The following NXPH1 variants were observed in gnomAD, a reference collection of about 807,000 sequenced individuals.
The protein encoded by NXPH1 is neurexophilin 1, also known as neurexophilin-1.
Under a neutral mutation model 23.7 loss-of-function variants are expected in NXPH1, and 5 were observed. The ratio of observed to expected loss-of-function variants is 0.21; its 90% CI spans 0.11 to 0.44. NXPH1 has a LOEUF of 0.44. Among genes scored for constraint, NXPH1 ranks in the 20% least tolerant of loss-of-function variants. NXPH1 has a pLI of 0.99. For missense variants in NXPH1, 324 were observed against 321.6 expected (o/e 1.01, Z -0.06); for synonymous variants, 144 against 122.2 (o/e 1.18, Z -1.18).
intron 2 of NXPH1, among the ~76,000 whole-genome samples, chr7:8,644,972 A>G (rs868800640): frequency 1.8e-4 from 27 of 152,284 alleles, no homozygotes; most frequent in African/African-American, 4.6e-4. Flanking sequence ...TGCTTAGCAT[A>G]TTATTTGTGG....
intron 2 of NXPH1, among the ~76,000 whole-genome samples, chr7:8,577,369 C>T (rs757874909): frequency 6.6e-6 from 1 of 152,206 alleles, no homozygotes; most frequent in Admixed American, 6.5e-5. Context: ...CTATCACTAA[C>T]CTTCTCCTCA....
intron 2 of NXPH1, among the ~76,000 whole-genome samples, chr7:8,441,519 G>T (rs1214367419): frequency 1.3e-5 from 2 of 152,142 alleles, no homozygotes; most frequent in Non-Finnish European, 2.9e-5. Context: ...AGGTTCCGTT[G>T]TAAGGATGTC....
At chr7:8,507,458 C>G (rs1355865581) in intron 2 of NXPH1, among the ~76,000 whole-genome samples, 1 of 149,446 alleles carries the variant, frequency 6.7e-6, no homozygotes, top group Non-Finnish European at 1.5e-5. Context: ...CTATTATTAT[C>G]ATTACTTTGG....
At chr7:8,450,853 T>C (rs1563313795) in intron 2 of NXPH1, among the ~76,000 whole-genome samples, 1 of 152,262 alleles carries the variant, frequency 6.6e-6, no homozygotes, top group Non-Finnish European at 1.5e-5. Context: ...TAATGTGTTC[T>C]ATTAGTTTCT....
chr7:8,748,917 A>C (rs1252079952), intron 2 of NXPH1, among the ~76,000 whole-genome samples: 2 of 152,228 alleles, frequency 1.3e-5, no homozygotes, highest in East Asian at 3.8e-4. Context: ...AGCCACACTC[A>C]TGTTACCTCA....
At chr7:8,500,836 T>C (rs79259054) in intron 2 of NXPH1, among the ~76,000 whole-genome samples, 5,468 of 152,190 alleles carry the variant, frequency 0.036, 124 homozygotes, top group Middle Eastern at 0.068. Context: ...TCTCAGTTGG[T>C]CCTCCCATTT....
intron 2 of NXPH1, among the ~76,000 whole-genome samples, chr7:8,484,242 C>T (rs181222156): frequency 3.7e-4 from 57 of 152,206 alleles, no homozygotes; most frequent in Non-Finnish European, 5.1e-4. Context: ...CAAATCACAA[C>T]AGAAACCTCA....
At chr7:8,714,912 G>A (rs1414286564) in intron 2 of NXPH1, among the ~76,000 whole-genome samples, 1 of 152,144 alleles carries the variant, frequency 6.6e-6, no homozygotes, top group Non-Finnish European at 1.5e-5. Flanking sequence ...TGGGGTTGGG[G>A]GATGGGTGGC....
At chr7:8,497,255 C>G (rs9719455) in intron 2 of NXPH1, among the ~76,000 whole-genome samples, 52,089 of 152,082 alleles carry the variant, frequency 0.34, 10,290 homozygotes, top group East Asian at 0.79. Context: ...TTAATCCACT[C>G]TATCATTGAT....
At chr7:8,612,792 G>T (rs905185917) in intron 2 of NXPH1, among the ~76,000 whole-genome samples, 7 of 152,014 alleles carry the variant, frequency 4.6e-5, no homozygotes, top group African/African-American at 1.4e-4. Context: ...AGACACAGAG[G>T]TCAGCCTTCT....
chr7:8,566,513 G>A (rs1476106950), intron 2 of NXPH1, among the ~76,000 whole-genome samples: 1 of 151,776 alleles, frequency 6.6e-6, no homozygotes, highest in Non-Finnish European at 1.5e-5. Flanking sequence ...AGCATCTAAT[G>A]TGTTGGAGCC....
intron 2 of NXPH1, among the ~76,000 whole-genome samples, chr7:8,672,521 C>T (rs114436109): frequency 0.018 from 2,681 of 151,274 alleles, 78 homozygotes; most frequent in African/African-American, 0.061. Flanking sequence ...AAAATGAAAC[C>T]CCTAGGGGAA....
At position 8,622,749 on chromosome 7, in the gene NXPH1, C is replaced by T. The variant is rs539325937; in HGVS notation, c.55-128259C>T. Among the ~76,000 whole-genome samples the T allele has an allele frequency of 4.3e-4, 66 of 152,260 alleles. No homozygotes were observed. In the Middle Eastern group the frequency reaches 0.024, roughly 55 times the overall value. ...ATGTAAAAAGAACTTTGTGCAAACG[C>T]TACACTAATGGAATAGAAAATATGG... On this transcript the variant is annotated intron_variant, in intron 2 of 2. Coordinates refer to ENST00000405863, the MANE Select transcript of NXPH1 (RefSeq NM_152745.3).
rs146483244 is a variant in NXPH1 at position 8,616,463 on chromosome 7, C to A, written c.55-134545C>A. Among the ~76,000 whole-genome samples, 680 of 152,164 alleles carry A rather than the reference C, an allele frequency of 4.5e-3. 5 individuals are homozygous for A. Among genetic ancestry groups the A allele is most frequent in the African/African-American group, 0.015 (642 of 41,546 alleles). ...GTTCTCCCTCGTCATCTCGACTCAA[C>A]TTGTTAAAAACATCATGGGATCAGG... On this transcript the variant is annotated intron_variant, in intron 2 of 2. Transcript: ENST00000405863.
At position 8,464,991 on chromosome 7, in the gene NXPH1, G is replaced by A. The variant is rs553065397; in HGVS notation, c.54+29224G>A. On this transcript the variant is annotated intron_variant, in intron 2 of 2. Coordinates refer to ENST00000405863, the MANE Select transcript of NXPH1 (RefSeq NM_152745.3). Reference sequence around the variant, plus strand: ...AAAATGTGCTTTGGGAAACAAATCTGGCAGCCTAAAATAATCCAGATGGGA... The same window carrying A: ...AAAATGTGCTTTGGGAAACAAATCTAGCAGCCTAAAATAATCCAGATGGGA... Among the ~76,000 whole-genome samples the A allele has an allele frequency of 9.2e-5, 14 of 152,212 alleles. 1 individual carries two copies. The highest frequency in any genetic ancestry group is 7.8e-4 in the Admixed American group (12 of 15,290).
At chr7:8,486,248 C>T (rs1034194210) in intron 2 of NXPH1, among the ~76,000 whole-genome samples, 1 of 152,162 alleles carries the variant, frequency 6.6e-6, no homozygotes, top group African/African-American at 2.4e-5. Context: ...TGTGCCTCTC[C>T]TGATGTAGGA....
At chr7:8,634,902 T>G (rs1406982008) in intron 2 of NXPH1, among the ~76,000 whole-genome samples, 1 of 152,160 alleles carries the variant, frequency 6.6e-6, no homozygotes, top group African/African-American at 2.4e-5. Flanking sequence ...ACAAGACACT[T>G]TTAAAGTACT....
chr7:8,552,120 A>C (rs76673110), intron 2 of NXPH1, among the ~76,000 whole-genome samples: 90 of 147,030 alleles, frequency 6.1e-4, no homozygotes, highest in African/African-American at 1.8e-3. Context: ...AAACCAAAAA[A>C]AAAAAAAAAA....
intron 2 of NXPH1, among the ~76,000 whole-genome samples, chr7:8,725,489 CAA>C (rs57404484): frequency 0.019 from 1,990 of 105,636 alleles, 50 homozygotes; most frequent in African/African-American, 0.063. Context: ...GATTCTGTCT[CAA>C]AAAAAAAAAA....
Sources: allele counts gnomAD v4.1 joint callset (sites outside exome capture counted in the v4.1 genomes callset), GRCh38; gene constraint gnomAD v4.1.1; transcripts MANE v1.5; gene names NCBI Gene and HGNC (gene_info 2026-07-23, HGNC 2026-07-21).